Variants in TLE3 observed in about 807,000 individuals in gnomAD.
The protein encoded by TLE3 is TLE family member 3, transcriptional corepressor.
TLE3 carries 14 observed loss-of-function variants against 93.0 expected under a neutral mutation model. That is an observed-to-expected ratio of 0.15 (90% confidence interval 0.10 to 0.24). The LOEUF (loss-of-function observed/expected upper bound fraction) is 0.24, where lower values mean the gene tolerates loss of function less well. Among genes scored for constraint, TLE3 ranks in the 10% least tolerant of loss-of-function variants. The pLI, the probability that TLE3 is intolerant of heterozygous loss-of-function variation, is 1.00. For missense variants in TLE3, 693 were observed against 1,046.6 expected (o/e 0.66, Z 4.66); for synonymous variants, 451 against 425.0 (o/e 1.06, Z -0.75).
At chr15:70,056,816 C>T (rs571791473) in intron 13 of TLE3, among the ~76,000 whole-genome samples, 19 of 152,324 alleles carry the variant, frequency 1.2e-4, no homozygotes, top group Admixed American at 9.8e-4. Flanking sequence ...AGCTGGAGCG[C>T]GGTGGTGCAA....
intron 6 of TLE3, among the ~76,000 whole-genome samples, chr15:70,071,298 G>C: frequency 6.6e-6 from 1 of 152,198 alleles, no homozygotes; most frequent in East Asian, 1.9e-4. Context: ...GCCCCAGCTA[G>C]AAGAGAGACA....
At chr15:70,079,527 C>A in intron 4 of TLE3, 1 of 421,116 alleles carries the variant, frequency 2.4e-6, no homozygotes. Flanking sequence ...CTGCTAGTAC[C>A]CTCTTGGGGT....
Position 70,097,411 on chromosome 15 carries a change from C to G in TLE3, c.-613G>C, listed in dbSNP as rs374765740. ...CCCGGCGCGGGCGCTTCGACGCCCC[C>G]CCTCGGAGAGGAGAGCCTGCTGTTC... On this transcript the variant is annotated 5_prime_UTR_variant, in exon 1 of 20. Coordinates refer to ENST00000451782, the MANE Select transcript of TLE3 (RefSeq NM_001105192.3). The G allele has an allele frequency of 7.3e-6, 3 of 411,046 alleles. No individual in the cohort carries two copies. The highest frequency in any genetic ancestry group is 6.1e-4 in the Middle Eastern group (1 of 1,648). 25.5% of individuals were successfully genotyped at this position (411,046 alleles called of 1,614,324 possible). A position where few individuals can be genotyped will look rare whatever the true frequency, so the allele number is the denominator to read the frequency against.
chr15:70,052,315 C>G, intron 18 of TLE3, 59 bp downstream of exon 18: 1 of 1,587,036 alleles, frequency 6.3e-7, no homozygotes, highest in Non-Finnish European at 8.6e-7. Context: ...TCCTGTTGGG[C>G]CAGGCTGCCC....
At position 70,096,877 on chromosome 15, in the gene TLE3, G is replaced by A. The variant is rs772720256; in HGVS notation, c.-79C>T. The A allele has an allele frequency of 1.2e-5, 18 of 1,527,502 alleles. No homozygotes were observed. Among genetic ancestry groups the A allele is most frequent in the South Asian group, 3.5e-5 (3 of 86,106 alleles). The allele number at this position is 1,527,502 out of a possible 1,614,324, so 94.6% of individuals were successfully genotyped here. A position where few individuals can be genotyped will look rare whatever the true frequency, so the allele number is the denominator to read the frequency against. ...GGGAGGTGCGGGGGAGGGGGGAGCC[G>A]AGCCCGAGCGGGGGGCGGCCGGGAA... On this transcript the variant is annotated 5_prime_UTR_variant, in exon 1 of 20. Transcript: ENST00000451782.
At position 70,081,873 on chromosome 15, in the gene TLE3, G is replaced by A. The variant is rs540658335; in HGVS notation, c.235-5715C>T. ...GAAGTGACGATTTTCATCCCAGCAGGCCTCTGGGTCTCAGGTTACTCCTCT... is the reference window on the plus strand; with the variant it reads ...GAAGTGACGATTTTCATCCCAGCAGACCTCTGGGTCTCAGGTTACTCCTCT... On this transcript the variant is annotated intron_variant, in intron 4 of 19. Transcript: ENST00000451782. Among the ~76,000 whole-genome samples, 18 of 152,332 alleles carry A rather than the reference G, an allele frequency of 1.2e-4. 1 individual carries two copies. The South Asian group carries it at 2.1e-3, about 18-fold the overall frequency.
intron 4 of TLE3, among the ~76,000 whole-genome samples, chr15:70,080,820 C>T (rs565404163): frequency 4.6e-5 from 7 of 152,278 alleles, no homozygotes; most frequent in African/African-American, 1.4e-4. Context: ...TTAAGGGAAA[C>T]GGAGCCTGCT....
intron 5 of TLE3, among the ~76,000 whole-genome samples, chr15:70,074,910 C>T (rs1405774926): frequency 6.6e-6 from 1 of 152,192 alleles, no homozygotes; most frequent in Non-Finnish European, 1.5e-5. Context: ...ATGCAATTTG[C>T]GTATGAGCTG....
chr15:70,087,261 C>T (rs1230003658), intron 4 of TLE3, among the ~76,000 whole-genome samples: 1 of 152,304 alleles, frequency 6.6e-6, no homozygotes, highest in South Asian at 2.1e-4. Context: ...ACCTCCCCAA[C>T]CCCAATTTGA....
At chr15:70,087,256 C>A (rs1336214139) in intron 4 of TLE3, among the ~76,000 whole-genome samples, 1 of 152,190 alleles carries the variant, frequency 6.6e-6, no homozygotes, top group Non-Finnish European at 1.5e-5. Context: ...GCCTCACCTC[C>A]CCAACCCCAA....
At position 70,080,597 on chromosome 15, in the gene TLE3, G is replaced by A. The variant is rs574435074; in HGVS notation, c.235-4439C>T. ...AATGACAGAAAACAAGATAGTGGGG[G>A]GCAAGTGTAATTTCCCAAACAGCAA... On this transcript the variant is annotated intron_variant, in intron 4 of 19. Coordinates refer to ENST00000451782, the MANE Select transcript of TLE3 (RefSeq NM_001105192.3). Among the ~76,000 whole-genome samples the A allele has an allele frequency of 7.2e-5, 11 of 152,264 alleles. No homozygotes were observed. The East Asian group carries it at 2.1e-3, about 29-fold the overall frequency.
rs865971482 is a variant in TLE3 at position 70,096,977 on chromosome 15, G to C, written c.-179C>G. 52 of 740,908 alleles carry C rather than the reference G, an allele frequency of 7.0e-5. No homozygotes were observed. The highest frequency in any genetic ancestry group is 3.5e-4 in the African/African-American group (19 of 53,982). 45.9% of individuals were successfully genotyped at this position (740,908 alleles called of 1,614,324 possible). ...CAGAGTCGGGCGCCCGCCCCAAGTG[G>C]AGACAAAGAGCCGCGGAGCAGGCGG... On this transcript the variant is annotated 5_prime_UTR_variant, in exon 1 of 20. Transcript: ENST00000451782.
intron 17 of TLE3, 32 bp downstream of exon 17, chr15:70,053,195 C>A: frequency 6.3e-7 from 1 of 1,597,706 alleles, no homozygotes; most frequent in Non-Finnish European, 8.5e-7. Flanking sequence ...ACACACTGCT[C>A]TTTGGGAAGG....
chr15:70,088,007 A>T (rs1403533406), intron 4 of TLE3, among the ~76,000 whole-genome samples: 1 of 151,952 alleles, frequency 6.6e-6, no homozygotes, highest in African/African-American at 2.4e-5. Flanking sequence ...TGGGCCATCA[A>T]CTCTGCAGCA....
At chr15:70,068,657 T>C (rs2141690069) in intron 6 of TLE3, among the ~76,000 whole-genome samples, 1 of 152,350 alleles carries the variant, frequency 6.6e-6, no homozygotes, top group Admixed American at 6.5e-5. Context: ...CACAGCTAAC[T>C]CCTTTCATGA....
At chr15:70,079,440 TA>T in intron 4 of TLE3, 1 of 452,736 alleles carries the variant, frequency 2.2e-6, no homozygotes, top group South Asian at 1.6e-5. Flanking sequence ...TCTCCCAACG[TA>T]AACCCAGCCC....
At chr15:70,083,594 A>G (rs1490704607) in intron 4 of TLE3, among the ~76,000 whole-genome samples, 1 of 85,932 alleles carries the variant, frequency 1.2e-5, no homozygotes, top group Non-Finnish European at 2.2e-5. Flanking sequence ...CCCAGACTCC[A>G]TTGGCCAACT....
At position 70,057,600 on chromosome 15, in the gene TLE3, C is replaced by T; in HGVS notation, c.1110G>A (p.Met370Ile). ...AGCCGTTCATCTCATGGTGGCTCAT[C>T]ATGGCGAAGGGCGCCGCATAGGAGC... ...ITSSYAAPFA[M>I]MSHHEMNGSL... Residue 370 changes from methionine to isoleucine, a missense_variant, in exon 13 of 20, where the codon ATG becomes ATA. Met to Ile is a conservative substitution (Grantham distance 10). Around this residue, in one of 4 missense-constraint regions of TLE3, gnomAD observed 405 missense variants for 468.9 expected, o/e 0.86. Coordinates refer to ENST00000451782, the MANE Select transcript of TLE3 (RefSeq NM_001105192.3). 6.3e-7 allele frequency: 1 copy of T among 1,595,530 alleles called. No homozygotes were observed. The highest frequency in any genetic ancestry group is 1.1e-5 in the South Asian group (1 of 88,444).
intron 6 of TLE3, among the ~76,000 whole-genome samples, chr15:70,072,576 A>G (rs2057240126): frequency 6.6e-6 from 1 of 152,250 alleles, no homozygotes; most frequent in African/African-American, 2.4e-5. Flanking sequence ...GGGCTGCACC[A>G]GGGCCAGGGG....
Sources: allele counts gnomAD v4.1 joint callset (sites outside exome capture counted in the v4.1 genomes callset), GRCh38; gene constraint gnomAD v4.1.1; regional missense constraint gnomAD v4.1.1; transcripts MANE v1.5; gene names NCBI Gene and HGNC (gene_info 2026-07-23, HGNC 2026-07-21).